Variants in ZNF584 observed in about 807,000 individuals in gnomAD.
The protein encoded by ZNF584 is zinc finger protein 584.
ZNF584 carries 12 observed loss-of-function variants against 14.7 expected under a neutral mutation model. That is an observed-to-expected ratio of 0.82 (90% confidence interval 0.52 to 1.32). The LOEUF (loss-of-function observed/expected upper bound fraction) is 1.32. Among genes scored for constraint, ZNF584 ranks in the 40% most tolerant of loss-of-function variants. ZNF584 has a pLI of 0.00. For synonymous variants in ZNF584, 204 were observed against 190.9 expected, an observed-to-expected ratio of 1.07 and a Z score of -0.57; for missense variants, 478 against 518.8, an observed-to-expected ratio of 0.92 and a Z score of 0.76.
rs528785820 is a variant in ZNF584, at chr19:58,411,626, T to C, written c.169+1535T>C. On this transcript the variant is annotated intron_variant, in intron 2 of 3. Coordinates refer to ENST00000306910, the MANE Select transcript of ZNF584 (RefSeq NM_173548.3). ...ATTTTTGTCCTCTCTTCTGTTAATG[T>C]AGTATATTAGAATAATTGATTGCCT... is the stretch of plus-strand genomic sequence containing the variant. 2.0e-5 allele frequency among the ~76,000 whole-genome samples: 3 copies of C among 152,238 alleles called. No individual in the cohort carries two copies. In the East Asian group the frequency reaches 5.8e-4, roughly 29 times the overall value.
intron 2 of ZNF584, among the ~76,000 whole-genome samples, chr19:58,410,549 A>T (rs1406080771): frequency 2.0e-3 from 64 of 31,452 alleles, no homozygotes; most frequent in Non-Finnish European, 2.3e-3. Flanking sequence ...ATATATATAT[A>T]TATATATATG....
chr19:58,417,961 T>C lies in ZNF584; in HGVS notation c.*177T>C, dbSNP rs1389896605. ...GAGCCACATTGCACTCTGACTTGCC[T>C]GGGGCTGTTGGCAGTGTCACATCAC... On this transcript the variant is annotated 3_prime_UTR_variant, in exon 4 of 4. Transcript: ENST00000306910. The C allele has an allele frequency of 1.4e-6, 1 of 712,630 alleles. No individual in the cohort carries two copies. The highest frequency in any genetic ancestry group is 2.0e-5 in the South Asian group (1 of 51,198). 44.1% of individuals were successfully genotyped at this position (712,630 alleles called of 1,614,324 possible). A position where few individuals can be genotyped will look rare whatever the true frequency, so the allele number is the denominator to read the frequency against.
At chr19:58,404,430 T>C (rs1440852762), upstream of ZNF584, 1 of 152,934 alleles carries the variant, frequency 6.5e-6, no homozygotes, top group African/African-American at 2.5e-5. Flanking sequence ...GGAGTGGTGA[T>C]GACTCTTAAG....
At chr19:58,401,590 G>C (rs2052431126) in exon 1 of ZNF584, 1 of 152,226 alleles carries the variant, frequency 6.6e-6, no homozygotes, top group Admixed American at 6.5e-5. Flanking sequence ...GCGCTGGCGA[G>C]AGGAAAGGCT....
chr19:58,411,867 C>T (rs1169412010), intron 2 of ZNF584, among the ~76,000 whole-genome samples: 2 of 151,500 alleles, frequency 1.3e-5, no homozygotes, highest in African/African-American at 2.4e-5. Flanking sequence ...TGGTCTTGAT[C>T]TCTTGACCTC....
chr19:58,410,219 G>A (rs2052526785), intron 2 of ZNF584, 128 bp downstream of exon 2: 2 of 1,261,094 alleles, frequency 1.6e-6, no homozygotes, highest in Middle Eastern at 2.8e-4. Flanking sequence ...TAGGTATTGT[G>A]GGTGGTGGGA....
intron 1 of ZNF584, 116 bp from the exon 2 acceptor site, chr19:58,409,825 G>C: frequency 7.8e-7 from 1 of 1,276,412 alleles, no homozygotes; most frequent in Non-Finnish European, 1.1e-6. Flanking sequence ...AGAGCTCATA[G>C]GGAAAGATAA....
chr19:58,403,693 G>A (rs182531878), upstream of ZNF584, among the ~76,000 whole-genome samples: 9 of 152,156 alleles, frequency 5.9e-5, no homozygotes, highest in Non-Finnish European at 1.2e-4. Flanking sequence ...CAAATGGGCC[G>A]GGTGCGGTAG....
At chr19:58,408,277 C>T (rs1476029339), upstream of ZNF584, 1 of 152,368 alleles carries the variant, frequency 6.6e-6, no homozygotes, top group Non-Finnish European at 1.5e-5. Context: ...AACGCCCCCG[C>T]GCGGCGCGGT....
chr19:58,415,462 C>G (rs903290451), intron 2 of ZNF584, 62 bp from the exon 3 acceptor site: 2 of 1,566,464 alleles, frequency 1.3e-6, no homozygotes, highest in Non-Finnish European at 1.7e-6. Flanking sequence ...TTCCAAAGTG[C>G]TGGGATTACA....
intron 2 of ZNF584, among the ~76,000 whole-genome samples, chr19:58,411,824 C>T (rs112488132): frequency 4.0e-5 from 6 of 150,838 alleles, no homozygotes; most frequent in African/African-American, 9.7e-5. Context: ...TTGTATTTTT[C>T]GTAGAGATGG....
intron 2 of ZNF584, among the ~76,000 whole-genome samples, chr19:58,414,028 C>T (rs1403889493): frequency 2.0e-5 from 3 of 151,668 alleles, no homozygotes; most frequent in East Asian, 2.0e-4. Flanking sequence ...TCACTGTGTT[C>T]GGCAGGATGG....
Position 58,410,518 on chromosome 19 carries a change from A to AATATATAT in ZNF584, c.169+460_169+467dup, listed in dbSNP as rs1156543028. ...GAATTTTAATCAGAACGGTTTGGGA[A>AATATATAT]ATATATATATATATATATATATATA... On this transcript the variant is annotated intron_variant, in intron 2 of 3. Transcript: ENST00000306910. Among the ~76,000 whole-genome samples the AATATATAT allele has an allele frequency of 2.2e-3, 172 of 77,050 alleles. 2 individuals are homozygous for AATATATAT. The highest frequency in any genetic ancestry group is 7.5e-3 in the Middle Eastern group (1 of 134). 50.5% of individuals were successfully genotyped at this position (77,050 alleles called of 152,430 possible). A position where few individuals can be genotyped will look rare whatever the true frequency, so the allele number is the denominator to read the frequency against.
At chr19:58,410,198 AT>A (rs1359015238) in intron 2 of ZNF584, 107 bp downstream of exon 2, 21 of 1,390,242 alleles carry the variant, frequency 1.5e-5, no homozygotes, top group Non-Finnish European at 1.9e-5. Flanking sequence ...TCCTTCCCAG[AT>A]TCCCTGTTGT....
In ZNF584 at chr19:58,410,553, A is replaced by ATG. The variant is rs1245758867; in HGVS notation, c.169+463_169+464insGT. On this transcript the variant is annotated intron_variant, in intron 2 of 3. Transcript: ENST00000306910. ...TATATATATATATATATATATATAT[A>ATG]TATATGTGTATATATATATGTATAT... Among the ~76,000 whole-genome samples, 9 of 28,264 alleles carry ATG rather than the reference A, an allele frequency of 3.2e-4. 2 individuals are homozygous for ATG. Among genetic ancestry groups the ATG allele is most frequent in the African/African-American group, 2.8e-3 (9 of 3,206 alleles). The allele number at this position is 28,264 out of a possible 152,430, so 18.5% of individuals were successfully genotyped here. A position where few individuals can be genotyped will look rare whatever the true frequency, so the allele number is the denominator to read the frequency against.
chr19:58,407,822 G>A (rs1183223793), upstream of ZNF584, among the ~76,000 whole-genome samples: 3 of 152,104 alleles, frequency 2.0e-5, no homozygotes, highest in Non-Finnish European at 4.4e-5. Context: ...TCCTGCCAGC[G>A]TCCTCCCCTG....
chr19:58,410,641 ATATG>A (rs1367566367), intron 2 of ZNF584, among the ~76,000 whole-genome samples: 9 of 30,816 alleles, frequency 2.9e-4, no homozygotes, highest in Admixed American at 1.0e-3. Context: ...ATGTGTATAT[ATATG>A]TGTATATATG....
Position 58,417,961 on chromosome 19 carries a change from T to G in ZNF584, c.*177T>G. ...GAGCCACATTGCACTCTGACTTGCC[T>G]GGGGCTGTTGGCAGTGTCACATCAC... On this transcript the variant is annotated 3_prime_UTR_variant, in exon 4 of 4. Transcript: ENST00000306910. The G allele has an allele frequency of 1.4e-6, 1 of 712,630 alleles. No individual in the cohort carries two copies. The highest frequency in any genetic ancestry group is 3.0e-5 in the Admixed American group (1 of 33,498). The allele number at this position is 712,630 out of a possible 1,614,324, so 44.1% of individuals were successfully genotyped here. A position where few individuals can be genotyped will look rare whatever the true frequency, so the allele number is the denominator to read the frequency against.
chr19:58,407,775 T>G (rs529894009), upstream of ZNF584, among the ~76,000 whole-genome samples: 1 of 152,320 alleles, frequency 6.6e-6, no homozygotes, highest in East Asian at 1.9e-4. Flanking sequence ...TGAACGCGTC[T>G]GAATTCAGCG....
Sources: allele counts gnomAD v4.1 joint callset (sites outside exome capture counted in the v4.1 genomes callset), GRCh38; gene constraint gnomAD v4.1.1; transcripts MANE v1.5; gene names NCBI Gene and HGNC (gene_info 2026-07-23, HGNC 2026-07-21).